The following DMXL2 variants were observed in gnomAD, a reference collection of about 807,000 sequenced individuals.
DMXL2 encodes dmX-like protein 2.
DMXL2 carries 103 observed loss-of-function variants against 331.1 expected under a neutral mutation model. That is an observed-to-expected ratio of 0.31 (90% CI 0.27 to 0.37). The LOEUF is 0.37. DMXL2 is among the 10% of genes least tolerant of loss of function. The pLI is 1.00. For synonymous variants in DMXL2, 1,281 were observed against 1,252.1 expected, an observed-to-expected ratio of 1.02 and a Z score of -0.49; for missense variants, 3,171 against 3,642.9, an observed-to-expected ratio of 0.87 and a Z score of 3.33.
At chr15:51,487,110 G>T (rs2042450133) in intron 22 of DMXL2, among the ~76,000 whole-genome samples, 1 of 152,232 alleles carries the variant, frequency 6.6e-6, no homozygotes, top group South Asian at 2.1e-4. Flanking sequence ...GATATCAGAA[G>T]TAAACACAAA....
rs955499033 is a variant in DMXL2 at position 51,591,499 on chromosome 15, G to C, written c.88-15318C>G. Among the ~76,000 whole-genome samples, 141 of 152,314 alleles carry C rather than the reference G, an allele frequency of 9.3e-4. 1 individual carries two copies. Among genetic ancestry groups the C allele is most frequent in the African/African-American group, 3.3e-3 (136 of 41,566 alleles). On this transcript the variant is annotated intron_variant, in intron 1 of 43. Transcript: ENST00000560891. Reference sequence around the variant, plus strand: ...CTGCCTGCCTCTGTAGACTCCACCTGTGGGGGCAGGGCACAGCTAAACAAA... The same window carrying C: ...CTGCCTGCCTCTGTAGACTCCACCTCTGGGGGCAGGGCACAGCTAAACAAA...
chr15:51,554,913 T>C (rs1055706428), intron 6 of DMXL2, among the ~76,000 whole-genome samples: 3 of 152,146 alleles, frequency 2.0e-5, no homozygotes, highest in African/African-American at 7.2e-5. Context: ...ATCCCAGCAC[T>C]TTGGGAGACC....
Position 51,488,101 on chromosome 15 carries a change from T to C in DMXL2, c.5070A>G (p.Lys1690=). The change falls in exon 22 of 44, where the codon AAA becomes AAG. Residue 1690 remains lysine (K), a synonymous_variant. Transcript: ENST00000560891. Reference sequence around the variant, plus strand: ...AGTTGTGGCTGAAAAATGTTGTCATTTTTTCATCATGCTGTGACCTGGGGA... The same window carrying C: ...AGTTGTGGCTGAAAAATGTTGTCATCTTTTCATCATGCTGTGACCTGGGGA... ...WGLFRSQHDE[K]MTTFFSHNFN... The C allele has an allele frequency of 6.2e-7, 1 of 1,608,166 alleles. No homozygotes were observed. Among genetic ancestry groups the C allele is most frequent in the Non-Finnish European group, 8.5e-7 (1 of 1,177,692 alleles).
At chr15:51,547,532 C>G (rs1013028903) in intron 6 of DMXL2, 124 bp from the exon 7 acceptor site, 3 of 536,924 alleles carry the variant, frequency 5.6e-6, no homozygotes, top group Non-Finnish European at 6.1e-6. Context: ...ATACATAATA[C>G]AAAACTTATC....
intron 33 of DMXL2, chr15:51,460,457 G>T (rs1274021551): frequency 2.7e-6 from 2 of 753,572 alleles, no homozygotes; most frequent in African/African-American, 1.9e-5. Flanking sequence ...CCAAACTGCT[G>T]AAGAATCTAT....
intron 14 of DMXL2, among the ~76,000 whole-genome samples, chr15:51,514,812 T>C (rs994180152): frequency 5.2e-4 from 73 of 141,312 alleles, no homozygotes; most frequent in African/African-American, 1.9e-3. Flanking sequence ...AATCAACAGG[T>C]TTGCTTCTCA....
At position 51,576,229 on chromosome 15, in the gene DMXL2, CT is replaced by C. The variant is rs750346995; in HGVS notation, c.88-49del. Reference sequence around the variant, plus strand: ...GTTTTACAATACATAAGATATGTAACTTTTGAAATCTTATTACATACTATTT... The same window carrying C: ...GTTTTACAATACATAAGATATGTAACTTTGAAATCTTATTACATACTATTT... On this transcript the variant is annotated intron_variant, in intron 1 of 43. Transcript: ENST00000560891. 9.0e-6 allele frequency: 11 copies of C among 1,224,924 alleles called. No homozygotes were observed. The South Asian group carries it at 1.8e-4, about 20-fold the overall frequency. 75.9% of individuals were successfully genotyped at this position (1,224,924 alleles called of 1,614,324 possible). A position where few individuals can be genotyped will look rare whatever the true frequency, so the allele number is the denominator to read the frequency against.
At chr15:51,553,178 C>T (rs1290851275) in intron 6 of DMXL2, among the ~76,000 whole-genome samples, 1 of 152,148 alleles carries the variant, frequency 6.6e-6, no homozygotes, top group Non-Finnish European at 1.5e-5. Flanking sequence ...TCTTTCCTCA[C>T]CAGAAATTAA....
chr15:51,602,317 C>A (rs572968398), intron 1 of DMXL2, among the ~76,000 whole-genome samples: 2 of 152,230 alleles, frequency 1.3e-5, no homozygotes, highest in African/African-American at 4.8e-5. Context: ...AGGAAAAATT[C>A]TCCCTTTATC....
chr15:51,511,045 A>G (rs940414252), intron 15 of DMXL2, among the ~76,000 whole-genome samples: 8 of 152,230 alleles, frequency 5.3e-5, no homozygotes, highest in African/African-American at 1.9e-4. Context: ...AATTAACTCA[A>G]GAGGGACTGA....
At chr15:51,512,667 C>T (rs1175631780) in intron 15 of DMXL2, among the ~76,000 whole-genome samples, 2 of 151,856 alleles carry the variant, frequency 1.3e-5, no homozygotes, top group African/African-American at 4.8e-5. Context: ...AAAAAATTAG[C>T]CAGGTGGGCT....
At position 51,480,690 on chromosome 15, in the gene DMXL2, T is replaced by A. The variant is rs146692573; in HGVS notation, c.6416A>T (p.Glu2139Val). 1.9e-6 allele frequency: 3 copies of A among 1,612,504 alleles called. No homozygotes were observed. The highest frequency in any genetic ancestry group is 1.7e-6 in the Non-Finnish European group (2 of 1,178,818). ...IERRRLQAKR[E>V]HAERRKSWLQ... ...CCACGACTTTCGTCTTTCTGCATGC[T>A]CTCGTTTGGCCTGCAATCTTCTTCT... Residue 2139 changes from glutamate to valine, a missense_variant, in exon 24 of 44, where the codon GAG becomes GTG. Coordinates refer to ENST00000560891, the MANE Select transcript of DMXL2 (RefSeq NM_001378457.1).
At position 51,459,721 on chromosome 15, in the gene DMXL2, A is replaced by G. The variant is rs1222834742; in HGVS notation, c.7927-61T>C. 3.9e-6 allele frequency: 5 copies of G among 1,282,072 alleles called. No individual in the cohort carries two copies. In the Admixed American group the frequency reaches 9.2e-5, roughly 24 times the overall value. 79.4% of individuals were successfully genotyped at this position (1,282,072 alleles called of 1,614,324 possible). A position where few individuals can be genotyped will look rare whatever the true frequency, so the allele number is the denominator to read the frequency against. On this transcript the variant is annotated intron_variant, in intron 33 of 43. Coordinates refer to ENST00000560891, the MANE Select transcript of DMXL2 (RefSeq NM_001378457.1). Reference sequence around the variant, plus strand: ...ATGCATGGAATGAAATTATAAAGACAGTGAAATATTTCAAGCTGAAATGGC... The same window carrying G: ...ATGCATGGAATGAAATTATAAAGACGGTGAAATATTTCAAGCTGAAATGGC...
At chr15:51,594,048 C>G (rs1253213374) in intron 1 of DMXL2, among the ~76,000 whole-genome samples, 1 of 151,984 alleles carries the variant, frequency 6.6e-6, no homozygotes, top group Non-Finnish European at 1.5e-5. Flanking sequence ...TAGCAGAAGG[C>G]AAGAAATAAC....
intron 13 of DMXL2, among the ~76,000 whole-genome samples, chr15:51,523,440 A>T (rs2047489960): frequency 6.6e-6 from 1 of 152,246 alleles, no homozygotes. Context: ...ATAACTGATG[A>T]GAAAAGAAAG....
intron 1 of DMXL2, among the ~76,000 whole-genome samples, chr15:51,583,125 T>C (rs1369298646): frequency 3.6e-5 from 5 of 138,750 alleles, no homozygotes; most frequent in Non-Finnish European, 7.9e-5. Context: ...TTTTTTCTTT[T>C]TTTTTTTTTT....
At chr15:51,606,333 G>A (rs937858993) in intron 1 of DMXL2, among the ~76,000 whole-genome samples, 6 of 152,100 alleles carry the variant, frequency 3.9e-5, no homozygotes, top group South Asian at 2.1e-4. Context: ...TCAGCCTCCC[G>A]AGTAGCTGGG....
chr15:51,594,623 T>G (rs1222427103), intron 1 of DMXL2, among the ~76,000 whole-genome samples: 1 of 152,100 alleles, frequency 6.6e-6, no homozygotes, highest in African/African-American at 2.4e-5. Flanking sequence ...AAAGAGAATT[T>G]TAGACCAATA....
intron 6 of DMXL2, among the ~76,000 whole-genome samples, chr15:51,552,354 C>A (rs1436291103): frequency 2.0e-5 from 3 of 152,192 alleles, no homozygotes; most frequent in African/African-American, 4.8e-5. Context: ...CTGTAAAGGT[C>A]TGCAGCCCCG....
Sources: gnomAD v4.1 joint callset for allele counts (sites outside exome capture counted in the v4.1 genomes callset) on GRCh38, gnomAD v4.1.1 for gene constraint, MANE v1.5 for transcripts, NCBI Gene and HGNC (gene_info 2026-07-23, HGNC 2026-07-21) for gene names.